Variants in HTR2C observed in about 807,000 individuals in gnomAD.
The protein encoded by HTR2C is 5-hydroxytryptamine (serotonin) receptor 2C, G protein-coupled.
In HTR2C, 5 loss-of-function variants were observed where a neutral mutation model predicts 21.0. The observed-to-expected ratio is 0.24, with a 90% CI of 0.12 to 0.50. The LOEUF is 0.50. HTR2C is among the 20% of genes least tolerant of loss of function. The pLI is 0.98. For missense variants in HTR2C, 271 were observed against 371.2 expected (o/e 0.73, Z 2.22); for synonymous variants, 150 against 145.3 (o/e 1.03, Z -0.23).
At chrX:114,678,212 G>A (rs1168650162) in intron 2 of HTR2C, among the ~76,000 whole-genome samples, 1 of 109,334 alleles carries the variant, frequency 9.1e-6, no homozygotes, top group Non-Finnish European at 1.9e-5. Context: ...AGACAGTTAT[G>A]TGCATGAGAA....
chrX:114,726,036 G>T (rs781812728), intron 2 of HTR2C, among the ~76,000 whole-genome samples: 2 of 111,775 alleles, frequency 1.8e-5, no homozygotes, highest in East Asian at 5.7e-4. Flanking sequence ...GCTGTGGTGG[G>T]TTCCACCCAG....
chrX:114,745,342 G>T (rs1041935819), intron 4 of HTR2C, among the ~76,000 whole-genome samples: 1 of 112,254 alleles, frequency 8.9e-6, no homozygotes, highest in African/African-American at 3.2e-5. Context: ...CCTGTATACC[G>T]TTGGTGGGAA....
At chrX:114,791,820 T>C (rs897464501) in intron 4 of HTR2C, among the ~76,000 whole-genome samples, 10 of 111,683 alleles carry the variant, frequency 9.0e-5, no homozygotes, top group Non-Finnish European at 1.9e-4. Flanking sequence ...AATGTTTTAA[T>C]TAAATAATTA....
At chrX:114,698,351 G>A (rs1219027521) in intron 2 of HTR2C, among the ~76,000 whole-genome samples, 1 of 109,579 alleles carries the variant, frequency 9.1e-6, no homozygotes, top group Non-Finnish European at 1.9e-5. Context: ...CCGTTATCAT[G>A]GAAAGACTTC....
rs5987821 is a variant in HTR2C, at chrX:114,812,623, T to C, written c.350-35380T>C. On this transcript the variant is annotated intron_variant, in intron 4 of 5. Transcript: ENST00000276198. ...TGAGCCCTGTAATCCCAGCTACTTG[T>C]GATGCTGAGGCAGGAGAATTGCTTG... Among the ~76,000 whole-genome samples the C allele has an allele frequency of 1.5e-3, 162 of 108,343 alleles. 2 individuals carry two copies. Among genetic ancestry groups the C allele is most frequent in the African/African-American group, 5.2e-3 (153 of 29,607 alleles). 94.1% of individuals were successfully genotyped at this position (108,343 alleles called of 115,157 possible).
At chrX:114,589,791 A>T (rs1403149535) in intron 1 of HTR2C, 1 of 301,218 alleles carries the variant, frequency 3.3e-6, no homozygotes, top group African/African-American at 2.8e-5. Flanking sequence ...TTTCGGAAAA[A>T]AGCTAAAACT....
intron 2 of HTR2C, among the ~76,000 whole-genome samples, chrX:114,671,560 T>A (rs1022147327): frequency 8.9e-6 from 1 of 112,441 alleles, no homozygotes; most frequent in Non-Finnish European, 1.9e-5. Flanking sequence ...CAATTATTTT[T>A]ACATTTCCAC....
chrX:114,831,838 C>A (rs1334446288), intron 4 of HTR2C, among the ~76,000 whole-genome samples: 1 of 99,881 alleles, frequency 1.0e-5, no homozygotes, highest in East Asian at 3.3e-4. Context: ...TTAGGTCTAA[C>A]GTTTAAGTCT....
intron 1 of HTR2C, among the ~76,000 whole-genome samples, chrX:114,608,525 G>T (rs1556397810): frequency 9.0e-6 from 1 of 111,547 alleles, no homozygotes; most frequent in Non-Finnish European, 1.9e-5. Context: ...GAATGTCAGA[G>T]AAGTTGTTTG....
At chrX:114,892,588 T>G (rs1156790179) in intron 5 of HTR2C, among the ~76,000 whole-genome samples, 2 of 111,368 alleles carry the variant, frequency 1.8e-5, no homozygotes, top group African/African-American at 6.5e-5. Flanking sequence ...ACAGATCGTA[T>G]AACACACAAA....
chrX:114,856,359 G>A (rs1048493092), intron 5 of HTR2C, among the ~76,000 whole-genome samples: 1 of 99,620 alleles, frequency 1.0e-5, no homozygotes, highest in African/African-American at 3.7e-5. Context: ...ATGCTCATGG[G>A]TAGGAAGAAT....
intron 1 of HTR2C, among the ~76,000 whole-genome samples, chrX:114,590,385 T>G (rs1289169007): frequency 1.8e-5 from 2 of 112,160 alleles, no homozygotes; most frequent in African/African-American, 6.5e-5. Flanking sequence ...AGTCCAGTAC[T>G]GTGGTATGTA....
At chrX:114,738,925 C>T in intron 4 of HTR2C, among the ~76,000 whole-genome samples, 2 of 110,210 alleles carry the variant, frequency 1.8e-5, no homozygotes, top group Middle Eastern at 4.8e-3. Context: ...ATGACATTAA[C>T]ATTATTACTA....
chrX:114,678,770 C>T (rs1046878341), intron 2 of HTR2C, among the ~76,000 whole-genome samples: 3 of 111,206 alleles, frequency 2.7e-5, no homozygotes, highest in Non-Finnish European at 5.7e-5. Context: ...CTCCCACCCC[C>T]CATTCAGTTT....
chrX:114,667,553 G>A (rs1394142048), intron 2 of HTR2C, among the ~76,000 whole-genome samples: 15 of 111,737 alleles, frequency 1.3e-4, no homozygotes, highest in African/African-American at 4.5e-4. Flanking sequence ...TAAAATAAAT[G>A]ACAAAAGTAC....
At chrX:114,810,356 T>C in intron 4 of HTR2C, among the ~76,000 whole-genome samples, 1 of 111,358 alleles carries the variant, frequency 9.0e-6, no homozygotes, top group Non-Finnish European at 1.9e-5. Flanking sequence ...ACTTGCCTCA[T>C]AGCCTAGACT....
intron 2 of HTR2C, among the ~76,000 whole-genome samples, chrX:114,694,644 C>T (rs782739032): frequency 9.1e-6 from 1 of 109,361 alleles, no homozygotes; most frequent in Non-Finnish European, 1.9e-5. Flanking sequence ...AGGCTCCCGC[C>T]ACCATGATGG....
At chrX:114,701,646 C>T (rs1186851723) in intron 2 of HTR2C, among the ~76,000 whole-genome samples, 1 of 112,037 alleles carries the variant, frequency 8.9e-6, no homozygotes, top group African/African-American at 3.2e-5. Flanking sequence ...CTCTAAAAAG[C>T]AGAGCACCTC....
At chrX:114,812,544 A>G (rs781814977) in intron 4 of HTR2C, among the ~76,000 whole-genome samples, 1 of 110,611 alleles carries the variant, frequency 9.0e-6, no homozygotes, top group Non-Finnish European at 1.9e-5. Flanking sequence ...AGCCTGGCCA[A>G]CATGGTGAAA....
Sources: allele counts gnomAD v4.1 joint callset (sites outside exome capture counted in the v4.1 genomes callset), GRCh38; gene constraint gnomAD v4.1.1; transcripts MANE v1.5; gene names NCBI Gene and HGNC (gene_info 2026-07-23, HGNC 2026-07-21).